PCDH9: variants seen among roughly 807,000 people sequenced by gnomAD.
PCDH9 encodes protocadherin-9.
PCDH9 carries 24 observed loss-of-function variants against 70.6 expected under a neutral mutation model. The ratio of observed to expected loss-of-function variants is 0.34; its 90% CI spans 0.25 to 0.48. PCDH9 has a LOEUF of 0.48. Among genes scored for constraint, PCDH9 ranks in the 20% least tolerant of loss-of-function variants. The pLI is 0.99. For missense variants in PCDH9, 1,281 were observed against 1,503.6 expected, an observed-to-expected ratio of 0.85 and a Z score of 2.45; for synonymous variants, 562 against 558.5, an observed-to-expected ratio of 1.01 and a Z score of -0.09.
intron 4 of PCDH9, among the ~76,000 whole-genome samples, chr13:66,369,141 C>T (rs1050083020): frequency 2.6e-5 from 4 of 152,120 alleles, no homozygotes; most frequent in African/African-American, 9.7e-5. Context: ...ATGGCTGCAT[C>T]TGCCCTTAAA....
At chr13:66,525,190 T>C (rs1454463597) in intron 4 of PCDH9, among the ~76,000 whole-genome samples, 1 of 152,122 alleles carries the variant, frequency 6.6e-6, no homozygotes, top group East Asian at 1.9e-4. Flanking sequence ...CTCCACTCTC[T>C]TTAACCCCTG....
At chr13:66,566,487 G>A (rs2076654349) in intron 4 of PCDH9, among the ~76,000 whole-genome samples, 1 of 152,032 alleles carries the variant, frequency 6.6e-6, no homozygotes, top group South Asian at 2.1e-4. Context: ...ATAGCAATAA[G>A]GTCTGAATAG....
At chr13:66,908,380 G>T (rs1306592184) in intron 2 of PCDH9, among the ~76,000 whole-genome samples, 1 of 152,158 alleles carries the variant, frequency 6.6e-6, no homozygotes, top group Non-Finnish European at 1.5e-5. Context: ...AAAACTGAAA[G>T]GACTAGAGAG....
Position 66,757,788 on chromosome 13 carries a change from A to C in PCDH9, c.3139-126377T>G, listed in dbSNP as rs2079559658. On this transcript the variant is annotated intron_variant, in intron 3 of 4. Coordinates refer to ENST00000377865, the MANE Select transcript of PCDH9 (RefSeq NM_203487.3). ...ATCATCTTATTATCAATTAAACCAA[A>C]GTTTGATGTAGACATAAAAGCACAG... Among the ~76,000 whole-genome samples the C allele has an allele frequency of 4.6e-5, 7 of 152,210 alleles. No homozygotes were observed. The South Asian group carries it at 1.5e-3, about 32-fold the overall frequency.
At chr13:66,760,830 T>A (rs2079615054) in intron 3 of PCDH9, among the ~76,000 whole-genome samples, 2 of 152,246 alleles carry the variant, frequency 1.3e-5, no homozygotes, top group Middle Eastern at 3.4e-3. Flanking sequence ...CGAAAATGGC[T>A]GCTCTGGGAG....
At chr13:66,767,113 T>C (rs893362558) in intron 3 of PCDH9, among the ~76,000 whole-genome samples, 8 of 152,012 alleles carry the variant, frequency 5.3e-5, no homozygotes, top group Non-Finnish European at 8.8e-5. Flanking sequence ...AGTAGAAATC[T>C]ACGTGAAGAA....
intron 4 of PCDH9, among the ~76,000 whole-genome samples, chr13:66,386,056 C>A (rs746569673): frequency 6.6e-6 from 1 of 150,518 alleles, no homozygotes; most frequent in African/African-American, 2.4e-5. Flanking sequence ...GTTGGTAATA[C>A]ATTAATTTAA....
At chr13:66,684,175 A>T (rs531466635) in intron 3 of PCDH9, among the ~76,000 whole-genome samples, 1 of 152,314 alleles carries the variant, frequency 6.6e-6, no homozygotes, top group South Asian at 2.1e-4. Flanking sequence ...AATAAATGAC[A>T]GTTTAGTCTA....
intron 4 of PCDH9, among the ~76,000 whole-genome samples, chr13:66,552,915 C>G (rs566249215): frequency 7.0e-4 from 107 of 152,170 alleles, no homozygotes; most frequent in Non-Finnish European, 2.2e-4. Flanking sequence ...GAAGGGGAAG[C>G]AAACACGTCC....
chr13:66,643,861 G>T (rs1007074900), intron 3 of PCDH9, among the ~76,000 whole-genome samples: 6 of 151,952 alleles, frequency 3.9e-5, no homozygotes, highest in Non-Finnish European at 8.8e-5. Context: ...ACACAGAATT[G>T]CCTTCTAATT....
intron 4 of PCDH9, among the ~76,000 whole-genome samples, chr13:66,616,757 A>G (rs1228023835): frequency 6.6e-6 from 1 of 152,100 alleles, no homozygotes; most frequent in Non-Finnish European, 1.5e-5. Context: ...AAGCATAACT[A>G]TAGCCACCAA....
rs976241832 is a variant in PCDH9 at position 66,829,016 on chromosome 13, G to GT, written c.3138+74487dup. 1.3e-4 allele frequency among the ~76,000 whole-genome samples: 19 copies of GT among 147,814 alleles called. No individual in the cohort carries two copies. The South Asian group carries it at 2.6e-3, about 20-fold the overall frequency. On this transcript the variant is annotated intron_variant, in intron 3 of 4. Coordinates refer to ENST00000377865, the MANE Select transcript of PCDH9 (RefSeq NM_203487.3). ...AGAAAGATTCTGTGGGTCTTTTTTT[G>GT]TTTTTTTGTTTTTTTGTTTTTGAGA...
intron 3 of PCDH9, among the ~76,000 whole-genome samples, chr13:66,847,480 A>C (rs545914340): frequency 6.6e-6 from 1 of 152,312 alleles, no homozygotes; most frequent in South Asian, 2.1e-4. Context: ...GATTAATGAC[A>C]ATAACTAATA....
chr13:66,958,272 T>C (rs1340252624), intron 2 of PCDH9, among the ~76,000 whole-genome samples: 2 of 152,184 alleles, frequency 1.3e-5, no homozygotes, highest in Non-Finnish European at 2.9e-5. Context: ...TTTACAAAGT[T>C]CAAGGTATGA....
chr13:66,742,599 C>A (rs920744930), intron 3 of PCDH9, among the ~76,000 whole-genome samples: 2 of 133,832 alleles, frequency 1.5e-5, no homozygotes, highest in African/African-American at 5.7e-5. Flanking sequence ...ACTCATCTGA[C>A]AAAGGGCTAA....
chr13:66,398,260 A>G (rs1327790972), intron 4 of PCDH9, among the ~76,000 whole-genome samples: 2 of 152,162 alleles, frequency 1.3e-5, no homozygotes, highest in Non-Finnish European at 2.9e-5. Flanking sequence ...TTTTTAGTAA[A>G]GAGTGTAGAA....
intron 4 of PCDH9, among the ~76,000 whole-genome samples, chr13:66,396,704 T>A (rs1957107796): frequency 6.6e-6 from 1 of 152,162 alleles, no homozygotes; most frequent in African/African-American, 2.4e-5. Flanking sequence ...ACATACCAAG[T>A]TTACAGATGG....
At chr13:66,658,842 G>T (rs912475046) in intron 3 of PCDH9, among the ~76,000 whole-genome samples, 2 of 152,086 alleles carry the variant, frequency 1.3e-5, no homozygotes, top group African/African-American at 2.4e-5. Flanking sequence ...CATTTTTAAA[G>T]CATTTATTGT....
intron 3 of PCDH9, among the ~76,000 whole-genome samples, chr13:66,808,074 T>C (rs964445283): frequency 7.2e-5 from 11 of 152,230 alleles, no homozygotes; most frequent in South Asian, 4.1e-4. Flanking sequence ...CCCCTTCAAT[T>C]TGCATCTGGA....
Sources: allele counts gnomAD v4.1 joint callset (sites outside exome capture counted in the v4.1 genomes callset), GRCh38; gene constraint gnomAD v4.1.1; transcripts MANE v1.5; gene names NCBI Gene and HGNC (gene_info 2026-07-23, HGNC 2026-07-21).